The following BRD10 variants were observed in gnomAD, a reference collection of about 807,000 sequenced individuals.
The protein encoded by BRD10 is bromodomain containing 10.
chr9:5,967,694 G>GAAA, the BRD10 span, among the ~76,000 whole-genome samples: 3,442 of 123,534 alleles, frequency 0.028, 149 homozygotes, highest in Non-Finnish European at 0.039. Flanking sequence ...CCCTTAGCCT[G>GAAA]AAAAAAAAAA....
chr9:5,983,384 C>G, the BRD10 span, among the ~76,000 whole-genome samples: 1 of 152,090 alleles, frequency 6.6e-6, no homozygotes, highest in Non-Finnish European at 1.5e-5. Context: ...AAATAAAACT[C>G]CAGACTCAAC....
At chr9:5,891,714 GA>G in the BRD10 span, among the ~76,000 whole-genome samples, 2 of 151,024 alleles carry the variant, frequency 1.3e-5, no homozygotes, top group South Asian at 2.1e-4. Flanking sequence ...GTTATAGTTA[GA>G]AAAAAAAAGA....
At chr9:5,966,455 C>CTTTTTTTT in the BRD10 span, among the ~76,000 whole-genome samples, 51 of 83,770 alleles carry the variant, frequency 6.1e-4, no homozygotes, top group Non-Finnish European at 8.1e-4. Flanking sequence ...CTAACATTTC[C>CTTTTTTTT]TTTTTTTTTT....
At chr9:6,005,418 T>C in the BRD10 span, among the ~76,000 whole-genome samples, 1 of 152,150 alleles carries the variant, frequency 6.6e-6, no homozygotes, top group Non-Finnish European at 1.5e-5. Context: ...GGCACGAGTA[T>C]CGCTTGAACC....
the BRD10 span, among the ~76,000 whole-genome samples, chr9:5,924,130 C>T: frequency 6.6e-6 from 1 of 152,090 alleles, no homozygotes; most frequent in Non-Finnish European, 1.5e-5. Flanking sequence ...AGATACAGTG[C>T]TTCAAAAATA....
At chr9:5,922,183 A>C in the BRD10 span, 2 of 1,614,012 alleles carry the variant, frequency 1.2e-6, no homozygotes, top group Admixed American at 1.7e-5. Flanking sequence ...TTATGCACAC[A>C]GTTTTCAGCT....
chr9:5,935,594 A>G, the BRD10 span, among the ~76,000 whole-genome samples: 37 of 152,220 alleles, frequency 2.4e-4, no homozygotes, highest in African/African-American at 8.9e-4. Flanking sequence ...CAAACTGATG[A>G]TATTTTAACA....
the BRD10 span, among the ~76,000 whole-genome samples, chr9:5,962,179 A>C: frequency 6.6e-6 from 1 of 152,072 alleles, no homozygotes; most frequent in Admixed American, 6.6e-5. Flanking sequence ...ATAAAGAAAA[A>C]ACGAGAGAAG....
chr9:5,964,994 C>G, the BRD10 span, among the ~76,000 whole-genome samples: 1 of 138,052 alleles, frequency 7.2e-6, no homozygotes, highest in Non-Finnish European at 1.5e-5. Flanking sequence ...CAGCATGGCA[C>G]ATGTATACAT....
the BRD10 span, chr9:5,924,788 A>G: frequency 3.1e-6 from 5 of 1,589,800 alleles, no homozygotes; most frequent in African/African-American, 6.7e-5. Flanking sequence ...GTTCTCTATT[A>G]AATGTATCAT....
chr9:5,894,316 T>G, the BRD10 span, among the ~76,000 whole-genome samples: 1 of 152,010 alleles, frequency 6.6e-6, no homozygotes, highest in Non-Finnish European at 1.5e-5. The surrounding 1 kb of genome is among the most constrained non-coding windows in gnomAD (Gnocchi z 4.0). Flanking sequence ...TGGTTCAACA[T>G]AGAGACTTTA....
the BRD10 span, among the ~76,000 whole-genome samples, chr9:5,905,310 T>C: frequency 5.7e-3 from 865 of 152,302 alleles, 11 homozygotes; most frequent in African/African-American, 0.02. Context: ...AAACTGAGTG[T>C]TGGCCATGAC....
At chr9:5,916,154 T>C in the BRD10 span, among the ~76,000 whole-genome samples, 1 of 152,182 alleles carries the variant, frequency 6.6e-6, no homozygotes, top group Admixed American at 6.5e-5. Flanking sequence ...AATAAGCCAA[T>C]AAGCTCAGAT....
At chr9:5,956,326 G>A in the BRD10 span, among the ~76,000 whole-genome samples, 1 of 152,122 alleles carries the variant, frequency 6.6e-6, no homozygotes, top group Admixed American at 6.5e-5. Flanking sequence ...ACGTCATTAG[G>A]ATGCTTAAAT....
chr9:5,968,789 A>G, the BRD10 span: 3 of 1,613,830 alleles, frequency 1.9e-6, no homozygotes. Flanking sequence ...ATAAATCCGT[A>G]CATCTGCACC....
the BRD10 span, among the ~76,000 whole-genome samples, chr9:5,976,820 G>A: frequency 1.3e-5 from 2 of 151,710 alleles, no homozygotes; most frequent in Admixed American, 1.3e-4. Context: ...GTGCATACAT[G>A]ACTAACATCA....
chr9:5,940,398 T>C, the BRD10 span, among the ~76,000 whole-genome samples: 10 of 152,100 alleles, frequency 6.6e-5, no homozygotes, highest in African/African-American at 7.3e-5. Flanking sequence ...TTTCACCATG[T>C]TAGCCAGGCT....
the BRD10 span, chr9:5,920,683 G>A: frequency 1.2e-6 from 2 of 1,613,968 alleles, no homozygotes; most frequent in East Asian, 2.2e-5. Context: ...CAGAACGTGT[G>A]GCTCCTGGTA....
the BRD10 span, among the ~76,000 whole-genome samples, chr9:6,003,567 C>A: frequency 6.6e-6 from 1 of 152,008 alleles, no homozygotes. Flanking sequence ...TATAGCAATG[C>A]GTGGTCAAAA....
Sources: allele counts gnomAD v4.1 joint callset (sites outside exome capture counted in the v4.1 genomes callset), GRCh38; gene constraint gnomAD v4.1.1; non-coding constraint Gnocchi (gnomAD v3.1); transcripts MANE v1.5; gene names NCBI Gene and HGNC (gene_info 2026-07-23, HGNC 2026-07-21).